The following CYYR1 variants were observed in gnomAD, a reference collection of about 807,000 sequenced individuals.
CYYR1 encodes cysteine and tyrosine-rich protein 1.
CYYR1 carries 14 observed loss-of-function variants against 15.2 expected under a neutral mutation model. The observed-to-expected ratio is 0.92, with a 90% CI of 0.61 to 1.44. The LOEUF is 1.44. Among genes scored for constraint, CYYR1 ranks in the 40% most tolerant of loss-of-function variants. The pLI, the probability that CYYR1 is intolerant of heterozygous loss-of-function variation, is 0.00. For missense variants in CYYR1, 228 were observed against 209.5 expected (o/e 1.09, Z -0.54); for synonymous variants, 80 against 77.4 (o/e 1.03, Z -0.18).
chr21:26,563,012 G>A (rs1980348827), intron 2 of CYYR1, among the ~76,000 whole-genome samples: 2 of 152,074 alleles, frequency 1.3e-5, no homozygotes, highest in Admixed American at 1.3e-4. Context: ...GGCACTCAAT[G>A]TGCATTTATA....
intron 2 of CYYR1, among the ~76,000 whole-genome samples, chr21:26,486,544 C>T (rs1336847953): frequency 1.3e-5 from 2 of 152,088 alleles, no homozygotes; most frequent in Non-Finnish European, 2.9e-5. Context: ...CTCATCCCCC[C>T]ATCGCATTGC....
At chr21:26,538,763 C>G (rs1188852924) in intron 2 of CYYR1, among the ~76,000 whole-genome samples, 1 of 152,102 alleles carries the variant, frequency 6.6e-6, no homozygotes, top group Non-Finnish European at 1.5e-5. Flanking sequence ...ATCCAAATAC[C>G]TGTGTCTAGT....
chr21:26,551,584 G>A (rs892757160), intron 2 of CYYR1: 1 of 155,188 alleles, frequency 6.4e-6, no homozygotes, highest in African/African-American at 2.4e-5. Flanking sequence ...GACTTTGGTA[G>A]AGGAAGTAAC....
chr21:26,552,145 TG>T (rs1424927982), intron 2 of CYYR1: 1 of 152,232 alleles, frequency 6.6e-6, no homozygotes, highest in Non-Finnish European at 1.5e-5. Context: ...CATTGTTTTT[TG>T]GGTGTAATGC....
intron 2 of CYYR1, among the ~76,000 whole-genome samples, chr21:26,501,728 G>T (rs942117266): frequency 3.3e-5 from 5 of 152,080 alleles, no homozygotes; most frequent in African/African-American, 1.2e-4. Context: ...TCGATGGAAG[G>T]ATTCCCACAG....
At chr21:26,475,104 G>A (rs149386359) in intron 3 of CYYR1, among the ~76,000 whole-genome samples, 115 of 152,280 alleles carry the variant, frequency 7.6e-4, no homozygotes, top group African/African-American at 2.7e-3. Flanking sequence ...TTGAGTAAAT[G>A]ACCATTTTCA....
chr21:26,510,222 C>A (rs909191214), intron 2 of CYYR1, among the ~76,000 whole-genome samples: 5 of 152,114 alleles, frequency 3.3e-5, no homozygotes, highest in African/African-American at 1.2e-4. Flanking sequence ...ATGAATAATG[C>A]AGTATGGAGC....
intron 3 of CYYR1, among the ~76,000 whole-genome samples, chr21:26,474,029 T>C (rs1040617287): frequency 6.8e-6 from 1 of 147,176 alleles, no homozygotes; most frequent in African/African-American, 2.5e-5. Flanking sequence ...TTTTTTGTTG[T>C]TGTGTGTTTT....
intron 2 of CYYR1, among the ~76,000 whole-genome samples, chr21:26,555,165 A>G (rs993318613): frequency 1.3e-5 from 2 of 152,160 alleles, no homozygotes; most frequent in Non-Finnish European, 2.9e-5. Context: ...ATCACAAAGC[A>G]TTGTTTCCTG....
chr21:26,567,889 C>G (rs192421029), intron 1 of CYYR1: 7 of 152,108 alleles, frequency 4.6e-5, no homozygotes, highest in Admixed American at 1.3e-4. Flanking sequence ...AACAATTATG[C>G]GTGGCTTTTG....
chr21:26,539,530 T>G (rs1978398430), intron 2 of CYYR1, among the ~76,000 whole-genome samples: 1 of 152,352 alleles, frequency 6.6e-6, no homozygotes, highest in South Asian at 2.1e-4. Context: ...ATTTTAAAGA[T>G]ATTTAATCCA....
chr21:26,514,416 T>C (rs422346), intron 2 of CYYR1, among the ~76,000 whole-genome samples: 49,191 of 152,036 alleles, frequency 0.32, 8,238 homozygotes, highest in Non-Finnish European at 0.35. Context: ...CCCCTGCTCT[T>C]GCTTCCTCTA....
rs115967999 is a variant in CYYR1 at position 26,508,203 on chromosome 21, G to A, written c.177-27774C>T. ...TGCTTGGAAAACAACAAGCGGCTTT[G>A]TGTGGCTGCAGCAAATGTTGCAATC... On this transcript the variant is annotated intron_variant, in intron 2 of 3. Transcript: ENST00000652641. Among the ~76,000 whole-genome samples the A allele has an allele frequency of 7.9e-3, 1,207 of 152,276 alleles. 14 individuals carry two copies. Among genetic ancestry groups the A allele is most frequent in the African/African-American group, 0.028 (1,151 of 41,564 alleles).
intron 2 of CYYR1, among the ~76,000 whole-genome samples, chr21:26,488,468 G>A (rs984904844): frequency 2.0e-5 from 3 of 151,966 alleles, no homozygotes; most frequent in African/African-American, 7.2e-5. Flanking sequence ...TGCCAGGCTG[G>A]TCTCCAACTC....
At chr21:26,560,110 CTCTT>C (rs1417196379) in intron 2 of CYYR1, among the ~76,000 whole-genome samples, 13 of 152,148 alleles carry the variant, frequency 8.5e-5, no homozygotes, top group African/African-American at 3.1e-4. Flanking sequence ...CATTAGGTCT[CTCTT>C]TATCCCTTGT....
intron 2 of CYYR1, among the ~76,000 whole-genome samples, chr21:26,485,376 C>A (rs2065236420): frequency 1.3e-5 from 2 of 151,978 alleles, no homozygotes; most frequent in African/African-American, 4.8e-5. Context: ...TGAACACATG[C>A]ACAGAGTCAT....
At chr21:26,526,308 C>T (rs1288275608) in intron 2 of CYYR1, among the ~76,000 whole-genome samples, 2 of 151,802 alleles carry the variant, frequency 1.3e-5, no homozygotes. Context: ...AATAGCTGGG[C>T]GTGGTGATGG....
intron 2 of CYYR1, among the ~76,000 whole-genome samples, chr21:26,512,793 A>G (rs923809332): frequency 2.0e-5 from 3 of 152,120 alleles, no homozygotes; most frequent in African/African-American, 7.2e-5. Flanking sequence ...AGCCTAAAAT[A>G]TTTACTATCA....
intron 2 of CYYR1, among the ~76,000 whole-genome samples, chr21:26,485,669 G>A (rs1418693092): frequency 6.6e-6 from 1 of 152,014 alleles, no homozygotes; most frequent in Non-Finnish European, 1.5e-5. Flanking sequence ...TTCATTCCTA[G>A]ATGAGCAAGC....
Sources: gnomAD v4.1 joint callset for allele counts (sites outside exome capture counted in the v4.1 genomes callset) on GRCh38, gnomAD v4.1.1 for gene constraint, MANE v1.5 for transcripts, NCBI Gene and HGNC (gene_info 2026-07-23, HGNC 2026-07-21) for gene names.